Variants in PRKN observed in about 807,000 individuals in gnomAD.
PRKN encodes E3 ubiquitin-protein ligase parkin.
Under a neutral mutation model 59.5 loss-of-function variants are expected in PRKN, and 56 were observed. The ratio of observed to expected loss-of-function variants is 0.94; its 90% confidence interval spans 0.76 to 1.18. PRKN has a LOEUF of 1.18. Ranked by LOEUF, PRKN falls within the 50% of genes most tolerant of loss-of-function variation. PRKN has a pLI of 0.00. For missense variants in PRKN, 657 were observed against 596.4 expected (o/e 1.10, Z -1.06); for synonymous variants, 250 against 222.1 (o/e 1.13, Z -1.12).
chr6:162,401,265 C>G (rs1583507378), intron 2 of PRKN, among the ~76,000 whole-genome samples: 1 of 150,552 alleles, frequency 6.6e-6, no homozygotes, highest in Non-Finnish European at 1.5e-5. Flanking sequence ...AGAGCAGAAA[C>G]ATCAAATAAA....
intron 6 of PRKN, among the ~76,000 whole-genome samples, chr6:161,939,169 G>A (rs1779460855): frequency 6.6e-6 from 1 of 152,114 alleles, no homozygotes; most frequent in Non-Finnish European, 1.5e-5. Flanking sequence ...TGTAATCCCA[G>A]CATTTTGGGA....
intron 7 of PRKN, among the ~76,000 whole-genome samples, chr6:161,775,297 A>C (rs112689812): frequency 0.043 from 6,550 of 152,020 alleles, 462 homozygotes; most frequent in African/African-American, 0.15. Flanking sequence ...GGCTGGAGTG[A>C]AATGGCACAA....
At chr6:161,520,920 G>C (rs1032831702) in intron 9 of PRKN, among the ~76,000 whole-genome samples, 3 of 152,154 alleles carry the variant, frequency 2.0e-5, no homozygotes, top group Non-Finnish European at 4.4e-5. Flanking sequence ...ACCCATAAAT[G>C]CTTCTTGAAA....
At chr6:162,116,005 G>T (rs1583055449) in intron 4 of PRKN, among the ~76,000 whole-genome samples, 1 of 152,250 alleles carries the variant, frequency 6.6e-6, no homozygotes, top group Non-Finnish European at 1.5e-5. Context: ...CAGGGCCACT[G>T]CCCACTCTTC....
chr6:162,583,364 C>T (rs902016373), intron 1 of PRKN, among the ~76,000 whole-genome samples: 3 of 152,172 alleles, frequency 2.0e-5, no homozygotes, highest in African/African-American at 7.2e-5. Context: ...TCTGAAGTGA[C>T]CAGCTAGGAC....
intron 6 of PRKN, among the ~76,000 whole-genome samples, chr6:161,910,355 A>G (rs1051309913): frequency 6.6e-6 from 1 of 152,080 alleles, no homozygotes; most frequent in Non-Finnish European, 1.5e-5. Context: ...CCTGGGTTCA[A>G]GCGATTCTCC....
intron 2 of PRKN, among the ~76,000 whole-genome samples, chr6:162,438,276 T>G (rs1343532043): frequency 6.6e-6 from 1 of 152,216 alleles, no homozygotes; most frequent in Non-Finnish European, 1.5e-5. Context: ...AGAACTACAT[T>G]AGACAATGCT....
chr6:162,082,192 T>C (rs999105198), intron 4 of PRKN, among the ~76,000 whole-genome samples: 3 of 152,004 alleles, frequency 2.0e-5, no homozygotes, highest in South Asian at 2.1e-4. Flanking sequence ...CTCTTGAAAG[T>C]GAATGAGCCT....
intron 6 of PRKN, among the ~76,000 whole-genome samples, chr6:161,959,573 G>A (rs897604648): frequency 6.6e-6 from 1 of 151,954 alleles, no homozygotes; most frequent in Non-Finnish European, 1.5e-5. Flanking sequence ...ATACAATTAC[G>A]TGTCCACACT....
intron 6 of PRKN, among the ~76,000 whole-genome samples, chr6:161,940,024 A>C (rs1327568751): frequency 2.0e-5 from 3 of 151,980 alleles, no homozygotes; most frequent in Non-Finnish European, 4.4e-5. Flanking sequence ...CCATCTCCCA[A>C]GTAGCTGAGA....
chr6:161,966,825 TTTTGTTTG>T (rs773349627), intron 6 of PRKN, among the ~76,000 whole-genome samples: 4 of 152,136 alleles, frequency 2.6e-5, no homozygotes, highest in South Asian at 2.1e-4. Flanking sequence ...GAGTAAAATA[TTTTGTTTG>T]TTTGTTTGTT....
intron 1 of PRKN, among the ~76,000 whole-genome samples, chr6:162,489,073 C>T (rs535632037): frequency 9.0e-6 from 1 of 110,528 alleles, no homozygotes; most frequent in South Asian, 2.9e-4. Flanking sequence ...GGAGAAGGAG[C>T]TCACCCTTCC....
At chr6:162,456,350 T>A (rs1790871459) in intron 1 of PRKN, among the ~76,000 whole-genome samples, 1 of 152,146 alleles carries the variant, frequency 6.6e-6, no homozygotes, top group Admixed American at 6.6e-5. Context: ...AGTAATTATT[T>A]GTCAAAAATA....
intron 2 of PRKN, among the ~76,000 whole-genome samples, chr6:162,343,119 T>A (rs989519130): frequency 6.6e-6 from 1 of 152,202 alleles, no homozygotes; most frequent in African/African-American, 2.4e-5. Context: ...TAAATATTTC[T>A]CATCAGAAGA....
chr6:161,432,528 G>A (rs1319826851), intron 9 of PRKN, among the ~76,000 whole-genome samples: 1 of 145,974 alleles, frequency 6.9e-6, no homozygotes, highest in Non-Finnish European at 1.5e-5. Flanking sequence ...ACCATGCCCA[G>A]CTAATTTTTT....
At chr6:161,741,518 T>A (rs1182753644) in intron 7 of PRKN, among the ~76,000 whole-genome samples, 1 of 152,136 alleles carries the variant, frequency 6.6e-6, no homozygotes, top group African/African-American at 2.4e-5. Flanking sequence ...GAGCATCACA[T>A]CAGGGGGCCT....
At chr6:161,539,001 C>T (rs1043509860) in intron 9 of PRKN, among the ~76,000 whole-genome samples, 1 of 152,174 alleles carries the variant, frequency 6.6e-6, no homozygotes, top group African/African-American at 2.4e-5. Context: ...GCTGCTTCTT[C>T]ATCATGCCAT....
chr6:162,128,772 T>G (rs79061068), intron 4 of PRKN, among the ~76,000 whole-genome samples: 1 of 152,182 alleles, frequency 6.6e-6, no homozygotes, highest in Non-Finnish European at 1.5e-5. Context: ...AGGGCCCTTA[T>G]AAAAGAGGCC....
At chr6:161,757,719 T>C (rs918122331) in intron 7 of PRKN, among the ~76,000 whole-genome samples, 1 of 151,506 alleles carries the variant, frequency 6.6e-6, no homozygotes, top group African/African-American at 2.4e-5. Flanking sequence ...GTGCCTGTAA[T>C]CCCAGCTACT....
Sources: allele counts gnomAD v4.1 joint callset (sites outside exome capture counted in the v4.1 genomes callset), GRCh38; gene constraint gnomAD v4.1.1; transcripts MANE v1.5; gene names NCBI Gene and HGNC (gene_info 2026-07-23, HGNC 2026-07-21).